The following SENP6 variants were observed in gnomAD, a reference collection of about 807,000 sequenced individuals.
The protein encoded by SENP6 is sentrin-specific protease 6.
Under a neutral mutation model 134.5 loss-of-function variants are expected in SENP6, and 41 were observed. The ratio of observed to expected loss-of-function variants is 0.30; its 90% CI spans 0.24 to 0.40. SENP6 has a LOEUF of 0.40. SENP6 is among the 10% of genes least tolerant of loss of function. The pLI is 1.00. For synonymous variants in SENP6, 395 were observed against 429.8 expected, an observed-to-expected ratio of 0.92 and a Z score of 1.00; for missense variants, 1,248 against 1,312.5, an observed-to-expected ratio of 0.95 and a Z score of 0.76.
intron 18 of SENP6, among the ~76,000 whole-genome samples, chr6:75,701,144 C>G (rs933482618): frequency 3.9e-5 from 6 of 152,170 alleles, no homozygotes; most frequent in Admixed American, 1.3e-4. Flanking sequence ...TTATCCATGG[C>G]AAGATAACTT....
At chr6:75,632,004 T>A (rs540311506) in intron 3 of SENP6, among the ~76,000 whole-genome samples, 3 of 152,146 alleles carry the variant, frequency 2.0e-5, no homozygotes, top group Non-Finnish European at 2.9e-5. Context: ...TTTTTTGTTT[T>A]TGTTTCTGGG....
chr6:75,602,480 G>A lies in SENP6; in HGVS notation c.-45G>A. ...CCCTCATCCCGGCGAGCACGGCGGC[G>A]GTGTGGGCCATGGATTAAGAAGGAG... On this transcript the variant is annotated 5_prime_UTR_variant, in exon 1 of 24. Coordinates refer to ENST00000447266, the MANE Select transcript of SENP6 (RefSeq NM_015571.4). 3 of 1,549,160 alleles carry A rather than the reference G, an allele frequency of 1.9e-6. No homozygotes were observed. Among genetic ancestry groups the A allele is most frequent in the Non-Finnish European group, 2.6e-6 (3 of 1,146,060 alleles).
Position 75,602,140 on chromosome 6 carries a change from C to A in SENP6, c.-385C>A. The stretch of plus-strand genomic sequence containing the variant: ...ACGAAGGGAGGCGTGTTTGTGTGCT[C>A]GCTTTCATTCTCCTTTCTTGGGAAC... On this transcript the variant is annotated 5_prime_UTR_variant, in exon 1 of 24. Coordinates refer to ENST00000447266, the MANE Select transcript of SENP6 (RefSeq NM_015571.4). 1 of 180,082 alleles carries A rather than the reference C, an allele frequency of 5.6e-6. No individual in the cohort carries two copies. The highest frequency in any genetic ancestry group is 1.2e-5 in the Non-Finnish European group (1 of 86,490). The allele number at this position is 180,082 out of a possible 1,614,324, so 11.2% of individuals were successfully genotyped here. A position where few individuals can be genotyped will look rare whatever the true frequency, so the allele number is the denominator to read the frequency against.
intron 1 of SENP6, among the ~76,000 whole-genome samples, chr6:75,609,291 A>G (rs980271089): frequency 5.9e-5 from 9 of 152,172 alleles, no homozygotes; most frequent in Admixed American, 1.3e-4. Context: ...ACTGAACAAG[A>G]GAAGGAAAAA....
At chr6:75,620,997 T>C (rs907994522) in intron 1 of SENP6, among the ~76,000 whole-genome samples, 2 of 152,204 alleles carry the variant, frequency 1.3e-5, no homozygotes, top group Non-Finnish European at 2.9e-5. Context: ...CATGCACTTA[T>C]AAAATTTTTT....
intron 7 of SENP6, among the ~76,000 whole-genome samples, chr6:75,657,073 A>G (rs1771397437): frequency 6.6e-6 from 1 of 152,184 alleles, no homozygotes; most frequent in Non-Finnish European, 1.5e-5. Context: ...TTTGAGCAAA[A>G]TAATGTGCAA....
intron 3 of SENP6, among the ~76,000 whole-genome samples, chr6:75,628,181 C>T (rs951808373): frequency 7.2e-5 from 11 of 151,794 alleles, no homozygotes; most frequent in Admixed American, 1.3e-4. Flanking sequence ...GTGCCTTTTC[C>T]GTCTTAAATT....
chr6:75,629,687 A>G (rs1444276448), intron 3 of SENP6, among the ~76,000 whole-genome samples: 1 of 152,218 alleles, frequency 6.6e-6, no homozygotes, highest in Non-Finnish European at 1.5e-5. Flanking sequence ...CCAGGGATAT[A>G]TACATATATC....
chr6:75,685,278 CT>C (rs1183280812), intron 16 of SENP6, among the ~76,000 whole-genome samples: 2 of 152,000 alleles, frequency 1.3e-5, no homozygotes, highest in Admixed American at 6.6e-5. Flanking sequence ...TTTGATTCTT[CT>C]TTATTAGTCT....
chr6:75,615,141 T>C (rs567360479), intron 1 of SENP6, among the ~76,000 whole-genome samples: 46 of 152,292 alleles, frequency 3.0e-4, no homozygotes, highest in African/African-American at 1.0e-3. Flanking sequence ...TTCACCCACC[T>C]TGGCCTCCCA....
chr6:75,671,826 A>G (rs191812953), intron 11 of SENP6, among the ~76,000 whole-genome samples: 170 of 152,310 alleles, frequency 1.1e-3, no homozygotes, highest in African/African-American at 3.8e-3. Context: ...GTAAAGGTTC[A>G]TGGTTCTAGG....
At chr6:75,664,127 A>C (rs1171069383) in intron 9 of SENP6, among the ~76,000 whole-genome samples, 1 of 152,128 alleles carries the variant, frequency 6.6e-6, no homozygotes, top group Admixed American at 6.5e-5. Flanking sequence ...ACTGTGGAGA[A>C]TGAACATAAT....
Position 75,709,561 on chromosome 6 carries a change from T to C in SENP6, c.2751T>C (p.Asp917=). The C allele has an allele frequency of 6.2e-7, 1 of 1,614,020 alleles. No homozygotes were observed. Among genetic ancestry groups the C allele is most frequent in the Admixed American group, 1.7e-5 (1 of 60,020 alleles). Residue 917 remains aspartate (D), a synonymous_variant, in exon 20 of 24, where the codon GAT becomes GAC. Transcript: ENST00000447266. ...GCAAAATCAGACTAAACTATAGCGA[T>C]GAATCACCTGAAGCTGGTAAAATGC... The part of the protein sequence containing the change: ...GLSKIRLNYS[D]ESPEAGKMLE...
intron 3 of SENP6, among the ~76,000 whole-genome samples, chr6:75,632,326 G>A (rs1446284821): frequency 6.6e-6 from 1 of 152,220 alleles, no homozygotes; most frequent in East Asian, 1.9e-4. Flanking sequence ...TCGATAAAGG[G>A]GGACTACTAT....
At chr6:75,610,916 C>T (rs1197696006) in intron 1 of SENP6, 2 of 151,674 alleles carry the variant, frequency 1.3e-5, no homozygotes, top group Non-Finnish European at 2.9e-5. Context: ...TGAAACAGAA[C>T]GGGAGAAAAA....
Position 75,635,052 on chromosome 6 carries a change from G to C in SENP6, c.458+241G>C, listed in dbSNP as rs934002318. On this transcript the variant is annotated intron_variant, in intron 5 of 23. Coordinates refer to ENST00000447266, the MANE Select transcript of SENP6 (RefSeq NM_015571.4). ...CTGTTGTATTGCATTATAATCCAGA[G>C]AATCTAAGATGATACTGAAACTGAT... 10 of 565,996 alleles carry C rather than the reference G, an allele frequency of 1.8e-5. No homozygotes were observed. The East Asian group carries it at 2.8e-4, about 16-fold the overall frequency. The allele number at this position is 565,996 out of a possible 1,614,324, so 35.1% of individuals were successfully genotyped here. A position where few individuals can be genotyped will look rare whatever the true frequency, so the allele number is the denominator to read the frequency against.
At chr6:75,662,905 G>C (rs977465785) in intron 8 of SENP6, among the ~76,000 whole-genome samples, 1 of 152,134 alleles carries the variant, frequency 6.6e-6, no homozygotes, top group Non-Finnish European at 1.5e-5. Context: ...GATTCTTGGA[G>C]ACAGAATTAT....
intron 7 of SENP6, among the ~76,000 whole-genome samples, chr6:75,654,282 G>A (rs1211399103): frequency 6.6e-6 from 1 of 152,178 alleles, no homozygotes; most frequent in East Asian, 1.9e-4. Context: ...TGAATCACTG[G>A]AATTTGACAT....
At chr6:75,620,472 A>G (rs1768183467) in intron 1 of SENP6, among the ~76,000 whole-genome samples, 1 of 152,126 alleles carries the variant, frequency 6.6e-6, no homozygotes, top group Admixed American at 6.5e-5. Context: ...TCCTCACAGA[A>G]TGGAAGGGGC....
Sources: gnomAD v4.1 joint callset for allele counts (sites outside exome capture counted in the v4.1 genomes callset) on GRCh38, gnomAD v4.1.1 for gene constraint, MANE v1.5 for transcripts, NCBI Gene and HGNC (gene_info 2026-07-23, HGNC 2026-07-21) for gene names.